Variants in ADAMTS20 observed in about 807,000 individuals in gnomAD.
The protein encoded by ADAMTS20 is A disintegrin and metalloproteinase with thrombospondin motifs 20.
Under a neutral mutation model 260.1 loss-of-function variants are expected in ADAMTS20, and 225 were observed. The ratio of observed to expected loss-of-function variants is 0.87; its 90% CI spans 0.78 to 0.97. The LOEUF (loss-of-function observed/expected upper bound fraction) is 0.97, where lower values mean the gene tolerates loss of function less well. ADAMTS20 is among the 50% of genes least tolerant of loss of function. ADAMTS20 has a pLI of 0.00. For synonymous variants in ADAMTS20, 802 were observed against 769.5 expected (o/e 1.04, Z -0.70); for missense variants, 2,400 against 2,337.7 (o/e 1.03, Z -0.55).
intron 29 of ADAMTS20, among the ~76,000 whole-genome samples, chr12:43,390,613 G>A (rs1940576595): frequency 6.6e-6 from 1 of 152,154 alleles, no homozygotes; most frequent in Non-Finnish European, 1.5e-5. Flanking sequence ...CATGAGTACA[G>A]TTCTGTCAGG....
At chr12:43,530,599 T>C (rs904157467) in intron 3 of ADAMTS20, among the ~76,000 whole-genome samples, 77 of 152,168 alleles carry the variant, frequency 5.1e-4, no homozygotes, top group African/African-American at 1.8e-3. Flanking sequence ...GGAACTATAG[T>C]TTACGGACAC....
chr12:43,532,551 T>TA (rs1555141832), intron 2 of ADAMTS20, among the ~76,000 whole-genome samples: 2 of 87,788 alleles, frequency 2.3e-5, no homozygotes, highest in East Asian at 3.4e-4. Context: ...TTTTTTTTTT[T>TA]AATGTTTTTT....
At chr12:43,550,030 T>C (rs77340598) in intron 2 of ADAMTS20, among the ~76,000 whole-genome samples, 4,483 of 152,274 alleles carry the variant, frequency 0.029, 224 homozygotes, top group African/African-American at 0.1. Flanking sequence ...ACCAAATTCC[T>C]AGTTCTTGTT....
At chr12:43,385,333 A>G (rs1940448740) in intron 29 of ADAMTS20, among the ~76,000 whole-genome samples, 1 of 152,172 alleles carries the variant, frequency 6.6e-6, no homozygotes, top group Non-Finnish European at 1.5e-5. Context: ...AGTTCTTTGT[A>G]GATTCTGGAT....
intron 29 of ADAMTS20, among the ~76,000 whole-genome samples, chr12:43,394,294 A>T (rs1487724901): frequency 6.6e-6 from 1 of 152,090 alleles, no homozygotes; most frequent in East Asian, 1.9e-4. Flanking sequence ...AGTTGCTACC[A>T]TTTAATTGTT....
chr12:43,370,843 G>A (rs570750976), intron 36 of ADAMTS20, among the ~76,000 whole-genome samples: 9 of 152,066 alleles, frequency 5.9e-5, no homozygotes, highest in Non-Finnish European at 1.2e-4. Context: ...AGAAAATCCT[G>A]TAGTGTCTAC....
intron 28 of ADAMTS20, among the ~76,000 whole-genome samples, chr12:43,401,800 C>T (rs1940815943): frequency 6.6e-6 from 1 of 150,520 alleles, no homozygotes; most frequent in African/African-American, 2.4e-5. Flanking sequence ...GCAAACCAAA[C>T]TTATACTCCT....
intron 29 of ADAMTS20, among the ~76,000 whole-genome samples, chr12:43,397,001 C>T (rs1042966297): frequency 5.3e-5 from 8 of 152,260 alleles, no homozygotes; most frequent in Admixed American, 1.3e-4. Context: ...GATCTGTGGC[C>T]GTTCATATTC....
intron 2 of ADAMTS20, among the ~76,000 whole-genome samples, chr12:43,539,383 A>T (rs932424311): frequency 6.6e-6 from 1 of 152,234 alleles, no homozygotes; most frequent in Non-Finnish European, 1.5e-5. Flanking sequence ...TTAGGATTAC[A>T]CGTTTTTAAA....
At chr12:43,493,085 T>C (rs1942628177) in intron 5 of ADAMTS20, 85 bp downstream of exon 5, 4 of 908,534 alleles carry the variant, frequency 4.4e-6, no homozygotes, top group Non-Finnish European at 6.7e-6. Context: ...AATATCTCAT[T>C]TCTAATAAGA....
At chr12:43,481,737 T>A (rs1942445135) in intron 7 of ADAMTS20, among the ~76,000 whole-genome samples, 1 of 152,156 alleles carries the variant, frequency 6.6e-6, no homozygotes. Context: ...GTTTTATTTT[T>A]TTTCTCCAAG....
At chr12:43,404,178 G>GACACACACACACACAC (rs3031172) in intron 28 of ADAMTS20, among the ~76,000 whole-genome samples, 1 of 145,902 alleles carries the variant, frequency 6.9e-6, no homozygotes, top group Non-Finnish European at 1.5e-5. Context: ...ATATTGTGGG[G>GACACACACACACACAC]ACACACACAC....
intron 28 of ADAMTS20, among the ~76,000 whole-genome samples, chr12:43,413,698 A>C (rs1941075661): frequency 6.6e-6 from 1 of 152,162 alleles, no homozygotes; most frequent in Non-Finnish European, 1.5e-5. Flanking sequence ...TTTCATTGCA[A>C]GTTTCTACTG....
intron 18 of ADAMTS20, among the ~76,000 whole-genome samples, chr12:43,436,317 T>C (rs1190149777): frequency 6.6e-6 from 1 of 152,072 alleles, no homozygotes; most frequent in Non-Finnish European, 1.5e-5. Context: ...AAAGAATTAA[T>C]TGAAAAGTAT....
At chr12:43,392,145 G>T (rs1940609230) in intron 29 of ADAMTS20, among the ~76,000 whole-genome samples, 1 of 151,924 alleles carries the variant, frequency 6.6e-6, no homozygotes, top group Admixed American at 6.6e-5. Flanking sequence ...CTTTGTGTAT[G>T]GCACAATATT....
intron 28 of ADAMTS20, chr12:43,423,044 A>T (rs1225486388): frequency 1.3e-5 from 2 of 152,106 alleles, no homozygotes; most frequent in African/African-American, 4.8e-5. Context: ...ACTGACCTGG[A>T]ATGAATTATT....
At chr12:43,530,699 A>G (rs1943208984) in intron 3 of ADAMTS20, among the ~76,000 whole-genome samples, 1 of 152,068 alleles carries the variant, frequency 6.6e-6, no homozygotes, top group African/African-American at 2.4e-5. Context: ...TCTCCATCAT[A>G]TCGTTGCATG....
intron 28 of ADAMTS20, among the ~76,000 whole-genome samples, chr12:43,412,351 A>G: frequency 6.6e-6 from 1 of 152,270 alleles, no homozygotes; most frequent in Non-Finnish European, 1.5e-5. Flanking sequence ...GAAGTTTTAC[A>G]AAGTTGCAAT....
chr12:43,421,290 A>AAAAAAAC (rs1300045053), intron 28 of ADAMTS20, among the ~76,000 whole-genome samples: 3 of 150,910 alleles, frequency 2.0e-5, no homozygotes, highest in Non-Finnish European at 2.9e-5. Context: ...TACAAAAAAA[A>AAAAAAAC]AAAAAAAACT....
Sources: allele counts gnomAD v4.1 joint callset (sites outside exome capture counted in the v4.1 genomes callset), GRCh38; gene constraint gnomAD v4.1.1; transcripts MANE v1.5; gene names NCBI Gene and HGNC (gene_info 2026-07-23, HGNC 2026-07-21).